SV2C: variants seen among roughly 807,000 people sequenced by gnomAD.
The protein encoded by SV2C is solute carrier family 22 member B3.
SV2C carries 49 observed loss-of-function variants against 79.7 expected under a neutral mutation model. The ratio of observed to expected loss-of-function variants is 0.61; its 90% CI spans 0.49 to 0.78. The LOEUF (loss-of-function observed/expected upper bound fraction) is 0.78, where lower values mean the gene tolerates loss of function less well. Ranked by LOEUF, SV2C falls within the 30% of genes least tolerant of loss-of-function variation. The probability of loss-of-function intolerance (pLI) is 0.00; values close to 1 mark genes in which losing one functional copy is unlikely to be tolerated. For synonymous variants in SV2C, 334 were observed against 333.2 expected (o/e 1.00, Z -0.03); for missense variants, 833 against 912.9 (o/e 0.91, Z 1.13).
intron 1 of SV2C, among the ~76,000 whole-genome samples, chr5:76,122,687 C>T (rs1250244205): frequency 4.0e-5 from 6 of 151,596 alleles, no homozygotes; most frequent in Admixed American, 1.3e-4. Flanking sequence ...AGAACAAAGA[C>T]ACAACATACC....
At chr5:76,286,054 A>G (rs982842977) in intron 6 of SV2C, 184 bp downstream of exon 6, 10 of 538,624 alleles carry the variant, frequency 1.9e-5, no homozygotes, top group Non-Finnish European at 2.9e-5. Context: ...ACTGTGTGTC[A>G]ATAAAACTTT....
At chr5:75,899,579 G>A in the SV2C span, among the ~76,000 whole-genome samples, 1 of 152,104 alleles carries the variant, frequency 6.6e-6, no homozygotes, top group Non-Finnish European at 1.5e-5. Flanking sequence ...ATGTCTATTA[G>A]GTCCGCTTGG....
the SV2C span, among the ~76,000 whole-genome samples, chr5:76,006,400 T>C: frequency 6.6e-6 from 1 of 152,186 alleles, no homozygotes. Context: ...GTTTAGGCAA[T>C]GTAGCTTATT....
the SV2C span, among the ~76,000 whole-genome samples, chr5:75,873,154 G>C: frequency 6.6e-6 from 1 of 152,082 alleles, no homozygotes. Flanking sequence ...ATGTAGTAAA[G>C]TGTGTGTTAA....
At position 76,332,931 on chromosome 5, in the gene SV2C, G is replaced by A. The variant is rs550235242; in HGVS notation, c.*7384G>A. The A allele has an allele frequency of 1.3e-5, 2 of 152,320 alleles. No homozygotes were observed. The highest frequency in any genetic ancestry group is 4.8e-5 in the African/African-American group (2 of 41,566). The allele number at this position is 152,320 out of a possible 1,614,324, so 9.4% of individuals were successfully genotyped here. On this transcript the variant is annotated 3_prime_UTR_variant, in exon 13 of 13. Transcript: ENST00000502798. ...AGACTTAGCAAGCTCAACCTCATGTGATTCACAAAGGGTTTCTTTCTGCAT... is the reference window on the plus strand; with the variant it reads ...AGACTTAGCAAGCTCAACCTCATGTAATTCACAAAGGGTTTCTTTCTGCAT...
At position 76,291,860 on chromosome 5, in the gene SV2C, A is replaced by G; in HGVS notation, c.1337+4A>G. 6.3e-7 allele frequency: 1 copy of G among 1,599,012 alleles called. No homozygotes were observed. Among genetic ancestry groups the G allele is most frequent in the Non-Finnish European group, 8.6e-7 (1 of 1,169,570 alleles). On this transcript the variant is annotated splice_donor_region_variant and intron_variant, in intron 8 of 12. Coordinates refer to ENST00000502798, the MANE Select transcript of SV2C (RefSeq NM_014979.4). Reference sequence around the variant, plus strand: ...TTTGGTTCACCCTGTCCTTTGGGTAAGTGATATTTAAATTCTTGGCAAGCA... The same window carrying G: ...TTTGGTTCACCCTGTCCTTTGGGTAGGTGATATTTAAATTCTTGGCAAGCA...
At chr5:75,935,462 A>T in the SV2C span, among the ~76,000 whole-genome samples, 1 of 152,174 alleles carries the variant, frequency 6.6e-6, no homozygotes, top group Non-Finnish European at 1.5e-5. Flanking sequence ...TCACACGCAC[A>T]GTGATTTTTT....
chr5:76,110,228 G>T (rs535689522), intron 1 of SV2C, among the ~76,000 whole-genome samples: 4 of 152,172 alleles, frequency 2.6e-5, no homozygotes, highest in Non-Finnish European at 5.9e-5. Context: ...AAGGGCTGGT[G>T]GGGGCAGAGG....
intron 4 of SV2C, among the ~76,000 whole-genome samples, chr5:76,219,734 G>A (rs1745012236): frequency 1.3e-5 from 2 of 152,114 alleles, no homozygotes; most frequent in Admixed American, 6.5e-5. Context: ...TGAGAGTTCT[G>A]GCCAGATCTG....
intron 12 of SV2C, among the ~76,000 whole-genome samples, chr5:76,343,408 C>T (rs906375438): frequency 6.6e-6 from 1 of 152,096 alleles, no homozygotes; most frequent in African/African-American, 2.4e-5. Flanking sequence ...AAGACTTAAA[C>T]ATAAACTTCA....
chr5:76,248,897 A>G (rs1175538196), intron 4 of SV2C, among the ~76,000 whole-genome samples: 1 of 152,094 alleles, frequency 6.6e-6, no homozygotes, highest in Non-Finnish European at 1.5e-5. Flanking sequence ...GGAATTACAC[A>G]TGTGAGCCAC....
the SV2C span, among the ~76,000 whole-genome samples, chr5:75,951,014 A>C: frequency 1.3e-5 from 2 of 152,074 alleles, no homozygotes; most frequent in African/African-American, 4.8e-5. Context: ...CCTACCACCC[A>C]TCCTTTCTCT....
the SV2C span, among the ~76,000 whole-genome samples, chr5:76,005,463 G>C: frequency 1.3e-5 from 2 of 152,036 alleles, no homozygotes; most frequent in Non-Finnish European, 2.9e-5. Context: ...TTTTTTAGTT[G>C]GTTTTCCCTG....
intron 4 of SV2C, among the ~76,000 whole-genome samples, chr5:76,216,920 C>T (rs960171986): frequency 4.6e-5 from 7 of 152,288 alleles, no homozygotes; most frequent in African/African-American, 9.6e-5. Flanking sequence ...CGGCACTGTC[C>T]GCTCCATTAA....
the SV2C span, among the ~76,000 whole-genome samples, chr5:75,903,069 A>G: frequency 2.6e-5 from 4 of 152,220 alleles, no homozygotes; most frequent in Non-Finnish European, 5.9e-5. Flanking sequence ...AAACTTACAT[A>G]GTTTTGAACA....
At chr5:75,981,172 C>T in the SV2C span, among the ~76,000 whole-genome samples, 1 of 152,100 alleles carries the variant, frequency 6.6e-6, no homozygotes, top group African/African-American at 2.4e-5. Context: ...GGTGAAAGAT[C>T]TCTACAAAGT....
the SV2C span, among the ~76,000 whole-genome samples, chr5:76,000,440 C>G: frequency 1.3e-5 from 2 of 152,156 alleles, no homozygotes; most frequent in Non-Finnish European, 1.5e-5. Context: ...TAATGCTGGG[C>G]CTGCCTCATA....
At chr5:76,239,093 C>G (rs577659609) in intron 4 of SV2C, among the ~76,000 whole-genome samples, 21 of 151,986 alleles carry the variant, frequency 1.4e-4, no homozygotes, top group African/African-American at 4.6e-4. Context: ...TCTTCCCCCC[C>G]ACTTCTGTAT....
intron 1 of SV2C, among the ~76,000 whole-genome samples, chr5:76,095,802 A>G (rs1358528891): frequency 6.6e-6 from 1 of 152,124 alleles, no homozygotes; most frequent in East Asian, 1.9e-4. Context: ...TTGAAAAATA[A>G]CTAAGTGATA....
Sources: allele counts gnomAD v4.1 joint callset (sites outside exome capture counted in the v4.1 genomes callset), GRCh38; gene constraint gnomAD v4.1.1; transcripts MANE v1.5; gene names NCBI Gene and HGNC (gene_info 2026-07-23, HGNC 2026-07-21).